TAF4B: variants seen among roughly 807,000 people sequenced by gnomAD.
The protein encoded by TAF4B is transcription initiation factor TFIID subunit 4B.
In TAF4B, 38 loss-of-function variants were observed where a neutral mutation model predicts 86.4. The observed-to-expected ratio is 0.44, with a 90% CI of 0.34 to 0.58. TAF4B has a LOEUF of 0.58. Among genes scored for constraint, TAF4B ranks in the 20% least tolerant of loss-of-function variants. The pLI, the probability that TAF4B is intolerant of heterozygous loss-of-function variation, is 0.02. For missense variants in TAF4B, 988 were observed against 1,027.6 expected (o/e 0.96, Z 0.53); for synonymous variants, 388 against 391.2 (o/e 0.99, Z 0.10).
intron 1 of TAF4B, among the ~76,000 whole-genome samples, chr18:26,240,701 G>A (rs2055823765): frequency 6.6e-6 from 1 of 152,154 alleles, no homozygotes; most frequent in East Asian, 1.9e-4. Flanking sequence ...TGTACATTCA[G>A]TATGATATTG....
At chr18:26,254,391 G>T (rs950531704) in intron 1 of TAF4B, among the ~76,000 whole-genome samples, 2 of 151,878 alleles carry the variant, frequency 1.3e-5, no homozygotes, top group African/African-American at 4.8e-5. Flanking sequence ...CAGAGTGAAA[G>T]AAAATAGAAA....
At chr18:26,236,990 T>C (rs2055759068) in intron 1 of TAF4B, among the ~76,000 whole-genome samples, 1 of 152,198 alleles carries the variant, frequency 6.6e-6, no homozygotes, top group Admixed American at 6.5e-5. Context: ...TAAGATTTTC[T>C]TCCTTTCCCT....
At chr18:26,326,350 C>T (rs895787223) in intron 11 of TAF4B, among the ~76,000 whole-genome samples, 2 of 152,192 alleles carry the variant, frequency 1.3e-5, no homozygotes, top group Middle Eastern at 3.2e-3. Flanking sequence ...GTTTATACTT[C>T]TGTTATGGCT....
At chr18:26,241,656 T>C (rs1416886078) in intron 1 of TAF4B, among the ~76,000 whole-genome samples, 1 of 152,186 alleles carries the variant, frequency 6.6e-6, no homozygotes, top group Non-Finnish European at 1.5e-5. Flanking sequence ...CTTGCTTCTC[T>C]AGTTCTTTTA....
At chr18:26,312,290 A>G (rs1040904861) in intron 9 of TAF4B, among the ~76,000 whole-genome samples, 4 of 152,218 alleles carry the variant, frequency 2.6e-5, no homozygotes, top group African/African-American at 4.8e-5. Context: ...ATATGCTGCT[A>G]GAACACTGCT....
chr18:26,278,725 A>G (rs2056412410), intron 5 of TAF4B, among the ~76,000 whole-genome samples: 2 of 151,278 alleles, frequency 1.3e-5, no homozygotes, highest in African/African-American at 4.9e-5. Flanking sequence ...TTGCCTTTGC[A>G]CCATGTGTGC....
intron 12 of TAF4B, among the ~76,000 whole-genome samples, chr18:26,328,751 C>T (rs1053506918): frequency 3.9e-5 from 6 of 152,014 alleles, no homozygotes; most frequent in Admixed American, 2.6e-4. Context: ...TCCTGAGTAG[C>T]TGGGACTACA....
At chr18:26,325,764 A>G (rs982714160) in intron 11 of TAF4B, among the ~76,000 whole-genome samples, 1 of 152,228 alleles carries the variant, frequency 6.6e-6, no homozygotes, top group African/African-American at 2.4e-5. Flanking sequence ...TGGTTAGCCT[A>G]TAATGTATTC....
chr18:26,286,596 A>G, intron 7 of TAF4B, 97 bp downstream of exon 7: 2 of 1,335,664 alleles, frequency 1.5e-6, no homozygotes, highest in Non-Finnish European at 2.0e-6. Flanking sequence ...AAGGCTATAT[A>G]CTGTTTACGG....
At chr18:26,270,677 A>G (rs1182972622) in intron 3 of TAF4B, among the ~76,000 whole-genome samples, 1 of 150,890 alleles carries the variant, frequency 6.6e-6, no homozygotes, top group African/African-American at 2.5e-5. Flanking sequence ...TGAAGGGGAA[A>G]ATCTTTACTA....
intron 9 of TAF4B, among the ~76,000 whole-genome samples, chr18:26,304,168 G>GTTTT (rs5823508): frequency 6.4e-5 from 8 of 125,380 alleles, no homozygotes; most frequent in South Asian, 2.5e-4. Flanking sequence ...TAGGTCGACT[G>GTTTT]TTTTTTTTTT....
At chr18:26,384,802 A>G (rs1479948817) in intron 14 of TAF4B, among the ~76,000 whole-genome samples, 1 of 152,180 alleles carries the variant, frequency 6.6e-6, no homozygotes, top group Non-Finnish European at 1.5e-5. Context: ...CAGCCATTTG[A>G]GATAATTAGT....
chr18:26,304,990 G>T (rs2056779608), intron 9 of TAF4B: 1 of 634,304 alleles, frequency 1.6e-6, no homozygotes, highest in Non-Finnish European at 2.0e-6. Flanking sequence ...TATATACATT[G>T]TAAGTATTTT....
At position 26,274,830 on chromosome 18, in the gene TAF4B, C is replaced by G. The variant is rs2144565492; in HGVS notation, c.759+6C>G. 6.2e-7 allele frequency: 1 copy of G among 1,614,178 alleles called. No homozygotes were observed. Among genetic ancestry groups the G allele is most frequent in the South Asian group, 1.1e-5 (1 of 91,084 alleles). On this transcript the variant is annotated splice_donor_region_variant and intron_variant, in intron 4 of 14. Coordinates refer to ENST00000269142, the MANE Select transcript of TAF4B (RefSeq NM_005640.3). ...TTCAGATTAATCTTTCTCCGGTAAGCTCTTACTTGCACCTTACATAAATCT... is the reference window on the plus strand; with the variant it reads ...TTCAGATTAATCTTTCTCCGGTAAGGTCTTACTTGCACCTTACATAAATCT...
chr18:26,261,480 G>A lies in TAF4B; in HGVS notation c.344-3690G>A, dbSNP rs187185882. On this transcript the variant is annotated intron_variant, in intron 1 of 14. Transcript: ENST00000269142. ...CTCCCAAAGTGCTGGGATTACAGGC[G>A]TGAGCCACTGCGCCCGGCCAGCACT... Among the ~76,000 whole-genome samples the A allele has an allele frequency of 1.7e-4, 26 of 152,306 alleles. No individual in the cohort carries two copies. The East Asian group carries it at 3.5e-3, about 20-fold the overall frequency.
At chr18:26,267,693 T>G in intron 3 of TAF4B, 70 bp downstream of exon 3, 2 of 1,036,370 alleles carry the variant, frequency 1.9e-6, no homozygotes, top group East Asian at 2.4e-5. Flanking sequence ...AGCTATCTCC[T>G]GTTAGATATG....
At chr18:26,317,795 G>A (rs765098625) in intron 10 of TAF4B, among the ~76,000 whole-genome samples, 11 of 152,080 alleles carry the variant, frequency 7.2e-5, no homozygotes, top group Non-Finnish European at 1.3e-4. Flanking sequence ...TAGGGCGAAG[G>A]CAGTACTTTT....
At chr18:26,273,785 C>G (rs2056349623) in intron 3 of TAF4B, among the ~76,000 whole-genome samples, 1 of 152,178 alleles carries the variant, frequency 6.6e-6, no homozygotes, top group South Asian at 2.1e-4. Context: ...TTCAAATTCA[C>G]CTATCTTGAC....
At chr18:26,296,012 T>TA (rs2056658270) in intron 9 of TAF4B, among the ~76,000 whole-genome samples, 1 of 109,658 alleles carries the variant, frequency 9.1e-6, no homozygotes, top group Admixed American at 8.8e-5. Flanking sequence ...GTGTGTGTGT[T>TA]TCAGGGAGTG....
Sources: allele counts gnomAD v4.1 joint callset (sites outside exome capture counted in the v4.1 genomes callset), GRCh38; gene constraint gnomAD v4.1.1; transcripts MANE v1.5; gene names NCBI Gene and HGNC (gene_info 2026-07-23, HGNC 2026-07-21).